CENPN: variants seen among roughly 807,000 people sequenced by gnomAD.
The protein encoded by CENPN is interphase centromere complex protein 32.
A neutral mutation model predicts 48.6 loss-of-function variants in CENPN; 36 were observed. The observed-to-expected ratio is 0.74, with a 90% confidence interval of 0.57 to 0.98. The LOEUF is 0.98. Ranked by LOEUF, CENPN falls within the 50% of genes least tolerant of loss-of-function variation. The probability of loss-of-function intolerance (pLI) is 0.00; values close to 1 mark genes in which losing one functional copy is unlikely to be tolerated. For missense variants in CENPN, 439 were observed against 399.2 expected (o/e 1.10, Z -0.85); for synonymous variants, 166 against 135.2 (o/e 1.23, Z -1.58).
chr16:81,028,637 A>G lies in CENPN; in HGVS notation c.1006A>G (p.Ile336Val), dbSNP rs1429850553. 1.2e-6 allele frequency: 2 copies of G among 1,611,922 alleles called. No individual in the cohort carries two copies. Among genetic ancestry groups the G allele is most frequent in the South Asian group, 1.1e-5 (1 of 90,306 alleles). ...IPNKRMNYFK[I>V]RDK ...CAACAAGAGAATGAATTATTTTAAAATTAGAGATAAATAAGACGTGCGTGG... is the reference window on the plus strand; with the variant it reads ...CAACAAGAGAATGAATTATTTTAAAGTTAGAGATAAATAAGACGTGCGTGG... Residue 336 changes from isoleucine (I) to valine (V), a missense_variant, in exon 11 of 11, where the codon ATT becomes GTT. Physicochemically the swap from Ile to Val is conservative, Grantham distance 29. Coordinates refer to ENST00000305850, the MANE Select transcript of CENPN (RefSeq NM_001100624.3).
chr16:81,014,001 A>G, intron 2 of CENPN, 135 bp from the exon 3 acceptor site: 1 of 569,332 alleles, frequency 1.8e-6, no homozygotes, highest in East Asian at 2.9e-5. Context: ...ACAGGAGAAG[A>G]GATTGGAGAT....
At chr16:81,017,602 G>C (rs550580202) in intron 4 of CENPN, among the ~76,000 whole-genome samples, 156 bp from the exon 5 acceptor site, 13 of 152,024 alleles carry the variant, frequency 8.6e-5, no homozygotes, top group Non-Finnish European at 2.9e-5. Flanking sequence ...CATACTTCTT[G>C]GTGCCATGTC....
intron 1 of CENPN, among the ~76,000 whole-genome samples, chr16:81,008,282 C>G (rs1007479142): frequency 1.3e-5 from 2 of 152,200 alleles, no homozygotes; most frequent in African/African-American, 2.4e-5. Context: ...TGCTAAATCT[C>G]AAGCCCTCCG....
intron 3 of CENPN, among the ~76,000 whole-genome samples, chr16:81,015,592 T>C (rs915513964): frequency 9.2e-5 from 14 of 152,268 alleles, no homozygotes; most frequent in Admixed American, 5.9e-4. Flanking sequence ...AATTCAGCTA[T>C]TGCTGAATTT....
At chr16:81,026,131 GTATATATATATGTA>G (rs1282140134) in intron 8 of CENPN, among the ~76,000 whole-genome samples, 314 of 66,178 alleles carry the variant, frequency 4.7e-3, no homozygotes, top group African/African-American at 1.0e-2. Flanking sequence ...ATATATGTGT[GTATATATATATGTA>G]TATATATATG....
intron 6 of CENPN, chr16:81,022,194 A>T (rs1056772439): frequency 4.4e-6 from 1 of 226,674 alleles, no homozygotes; most frequent in African/African-American, 2.4e-5. Flanking sequence ...AGCTGTATTC[A>T]ATACACACTT....
intron 3 of CENPN, among the ~76,000 whole-genome samples, chr16:81,016,272 AT>A (rs1466835908): frequency 6.6e-6 from 1 of 152,190 alleles, no homozygotes; most frequent in Non-Finnish European, 1.5e-5. Context: ...AGGCAGGAGG[AT>A]TGCTTGAGCC....
At chr16:81,017,682 T>C in intron 4 of CENPN, 76 bp from the exon 5 acceptor site, 1 of 1,013,568 alleles carries the variant, frequency 9.9e-7, no homozygotes, top group East Asian at 2.4e-5. Context: ...CTTAGTTTCA[T>C]GGTACTTTAC....
intron 6 of CENPN, chr16:81,022,354 T>TA (rs1970254272): frequency 2.3e-6 from 1 of 429,426 alleles, no homozygotes; most frequent in Non-Finnish European, 4.2e-6. Context: ...TAGTAACTCC[T>TA]AACTTTAAAC....
At chr16:81,016,926 T>G in intron 3 of CENPN, 3 of 209,382 alleles carry the variant, frequency 1.4e-5, no homozygotes, top group Non-Finnish European at 2.8e-5. Flanking sequence ...AGGTGGGGAG[T>G]AGGGTGTGTA....
At position 81,012,228 on chromosome 16, in the gene CENPN, TGAGG is replaced by T. The variant is rs1969771772; in HGVS notation, c.171+120_171+123del. 13 of 843,200 alleles carry T rather than the reference TGAGG, an allele frequency of 1.5e-5. No homozygotes were observed. In the South Asian group the frequency reaches 2.3e-4, roughly 15 times the overall value. The allele number at this position is 843,200 out of a possible 1,614,324, so 52.2% of individuals were successfully genotyped here. A position where few individuals can be genotyped will look rare whatever the true frequency, so the allele number is the denominator to read the frequency against. ...AGCTGCTAAACTACTAGTGAAGTGATGAGGGCTATATACAACTGCAGTGGAAAAA... is the reference window on the plus strand; with the variant it reads ...AGCTGCTAAACTACTAGTGAAGTGATGCTATATACAACTGCAGTGGAAAAA... On this transcript the variant is annotated intron_variant, in intron 2 of 10. Transcript: ENST00000305850.
chr16:81,011,214 G>C (rs1267050661), intron 1 of CENPN, among the ~76,000 whole-genome samples: 2 of 152,098 alleles, frequency 1.3e-5, no homozygotes, highest in African/African-American at 4.8e-5. Flanking sequence ...TCCACCACAT[G>C]ACTCCTTCTC....
intron 2 of CENPN, 66 bp downstream of exon 2, chr16:81,012,176 T>C: frequency 7.1e-7 from 1 of 1,406,192 alleles, no homozygotes; most frequent in Admixed American, 1.9e-5. Context: ...CTTTCTTCTA[T>C]TCCTTACTCC....
chr16:81,022,894 T>C (rs1970283082), intron 7 of CENPN, 196 bp downstream of exon 7: 1 of 1,604,184 alleles, frequency 6.2e-7, no homozygotes, highest in African/African-American at 1.3e-5. Flanking sequence ...AATTGTATTG[T>C]GTTTTATACC....
downstream of CENPN, among the ~76,000 whole-genome samples, chr16:81,031,694 G>C (rs1162002419): frequency 6.6e-6 from 1 of 152,102 alleles, no homozygotes; most frequent in Non-Finnish European, 1.5e-5. Flanking sequence ...CTTGGTTGAG[G>C]TTCTTTATCC....
chr16:81,024,447 GCTT>G (rs1970366983), intron 7 of CENPN: 1 of 235,692 alleles, frequency 4.2e-6, no homozygotes, highest in African/African-American at 2.3e-5. Flanking sequence ...CAGTGCAAAT[GCTT>G]CCGTAGATTC....
intron 6 of CENPN, chr16:81,022,203 T>G (rs1424102356): frequency 4.3e-6 from 1 of 231,042 alleles, no homozygotes; most frequent in Non-Finnish European, 8.6e-6. Flanking sequence ...CAATACACAC[T>G]TATTTCTTCA....
chr16:81,012,583 A>G (rs182939519), intron 2 of CENPN, among the ~76,000 whole-genome samples: 23 of 152,188 alleles, frequency 1.5e-4, no homozygotes, highest in African/African-American at 5.5e-4. Context: ...TCTCTCCTTC[A>G]CTTTTATTTA....
chr16:81,030,271 A>G lies in CENPN; in HGVS notation c.*1620A>G. The G allele has an allele frequency of 1.0e-6, 1 of 985,406 alleles. No individual in the cohort carries two copies. The highest frequency in any genetic ancestry group is 1.2e-6 in the Non-Finnish European group (1 of 829,932). 61.0% of individuals were successfully genotyped at this position (985,406 alleles called of 1,614,324 possible). A position where few individuals can be genotyped will look rare whatever the true frequency, so the allele number is the denominator to read the frequency against. ...TTAAACATTTTAAAATCTATTCTTT[A>G]TCTTGTTTCAGAGAGGATTTGGAGT... On this transcript the variant is annotated 3_prime_UTR_variant, in exon 11 of 11. Coordinates refer to ENST00000305850, the MANE Select transcript of CENPN (RefSeq NM_001100624.3).
Sources: allele counts gnomAD v4.1 joint callset (sites outside exome capture counted in the v4.1 genomes callset), GRCh38; gene constraint gnomAD v4.1.1; transcripts MANE v1.5; gene names NCBI Gene and HGNC (gene_info 2026-07-23, HGNC 2026-07-21).